Variants in TENM4 observed in about 807,000 individuals in gnomAD.
TENM4 encodes teneurin-4.
A neutral mutation model predicts 243.3 loss-of-function variants in TENM4; 82 were observed. That is an observed-to-expected ratio of 0.34 (90% CI 0.28 to 0.40). The LOEUF is 0.40. Ranked by LOEUF, TENM4 falls within the 10% of genes least tolerant of loss-of-function variation. The pLI is 1.00. For missense variants in TENM4, 3,138 were observed against 3,673.3 expected, an observed-to-expected ratio of 0.85 and a Z score of 3.77; for synonymous variants, 1,412 against 1,456.3, an observed-to-expected ratio of 0.97 and a Z score of 0.69.
intron 4 of TENM4, among the ~76,000 whole-genome samples, chr11:79,115,775 C>A (rs1004588993): frequency 6.6e-6 from 1 of 152,234 alleles, no homozygotes; most frequent in Non-Finnish European, 1.5e-5. Context: ...GTGAAGAGGG[C>A]TGCCCAAGGG....
intron 3 of TENM4, among the ~76,000 whole-genome samples, chr11:79,188,460 C>T (rs181689504): frequency 2.0e-5 from 3 of 151,516 alleles, no homozygotes; most frequent in Admixed American, 2.0e-4. Flanking sequence ...TAGAGAGTTT[C>T]AGTGAAGTCC....
At chr11:79,247,764 G>C (rs530681702) in intron 2 of TENM4, among the ~76,000 whole-genome samples, 1 of 152,306 alleles carries the variant, frequency 6.6e-6, no homozygotes, top group African/African-American at 2.4e-5. Flanking sequence ...TTCTATACTA[G>C]ACTTACCTTC....
intron 4 of TENM4, among the ~76,000 whole-genome samples, chr11:79,073,279 G>A (rs949281125): frequency 2.0e-5 from 3 of 152,104 alleles, no homozygotes; most frequent in Non-Finnish European, 2.9e-5. Context: ...GGCTCACCTC[G>A]CTTCCATCTT....
chr11:79,225,140 G>A (rs1424336355), intron 2 of TENM4, among the ~76,000 whole-genome samples: 1 of 152,122 alleles, frequency 6.6e-6, no homozygotes, highest in African/African-American at 2.4e-5. Flanking sequence ...CACACTTTAA[G>A]CTTCCAGAAC....
At position 78,735,928 on chromosome 11, in the gene TENM4, CTCTT is replaced by C. The variant is rs543156841; in HGVS notation, c.2876+2519_2876+2522del. On this transcript the variant is annotated intron_variant, in intron 20 of 33. Coordinates refer to ENST00000278550, the MANE Select transcript of TENM4 (RefSeq NM_001098816.3). ...CCCCTTTTCTCCCTTTCTCTCTTTT[CTCTT>C]TCTTTCTTTCTCTCTCTCTTTTTTC... 1.4e-4 allele frequency among the ~76,000 whole-genome samples: 20 copies of C among 140,660 alleles called. No homozygotes were observed. In the East Asian group the frequency reaches 2.7e-3, roughly 19 times the overall value. 92.3% of individuals were successfully genotyped at this position (140,660 alleles called of 152,430 possible).
chr11:78,942,762 C>T (rs1180803888), intron 6 of TENM4, among the ~76,000 whole-genome samples: 1 of 151,250 alleles, frequency 6.6e-6, no homozygotes, highest in Non-Finnish European at 1.5e-5. Flanking sequence ...ACCTCATTTG[C>T]CTCCCTCTCC....
At chr11:79,200,739 A>G (rs1276350188) in intron 3 of TENM4, among the ~76,000 whole-genome samples, 1 of 152,224 alleles carries the variant, frequency 6.6e-6, no homozygotes, top group Non-Finnish European at 1.5e-5. Context: ...GCAGGAGAGG[A>G]GGACAAAGCT....
Position 78,670,484 on chromosome 11 carries a change from G to A in TENM4, c.5861C>T (p.Ser1954Phe). ...CGCCACGTTGGGCATCGTCACAGAA[G>A]AGAGGCGGTCATTCTTGTCGAACTC... ...IFEFDKNDRL[S>F]SVTMPNVARQ... Residue 1954 changes from serine to phenylalanine, a missense_variant, in exon 32 of 34, where the codon TCT (serine) becomes TTT (phenylalanine). Ser to Phe is a radical substitution (Grantham distance 155). Coordinates refer to ENST00000278550, the MANE Select transcript of TENM4 (RefSeq NM_001098816.3). 24 of 1,613,922 alleles carry A rather than the reference G, an allele frequency of 1.5e-5. No homozygotes were observed. Among genetic ancestry groups the A allele is most frequent in the Non-Finnish European group, 2.0e-5 (24 of 1,179,870 alleles).
intron 7 of TENM4, among the ~76,000 whole-genome samples, chr11:78,894,854 C>A (rs1479547769): frequency 2.6e-5 from 4 of 151,574 alleles, no homozygotes; most frequent in African/African-American, 4.8e-5. Context: ...ACTAGCCAGG[C>A]ATGGTGCCAC....
At chr11:79,086,913 C>T (rs2137043018) in intron 4 of TENM4, among the ~76,000 whole-genome samples, 1 of 149,194 alleles carries the variant, frequency 6.7e-6, no homozygotes, top group South Asian at 2.1e-4. Flanking sequence ...TACTTTAGAA[C>T]TTATACATTT....
At chr11:78,726,248 T>C (rs778472369) in intron 22 of TENM4, 26 bp from the exon 23 acceptor site, 2 of 1,610,662 alleles carry the variant, frequency 1.2e-6, no homozygotes, top group South Asian at 2.2e-5. Context: ...TGAGGCAAAA[T>C]GCATAAGTGA....
intron 23 of TENM4, among the ~76,000 whole-genome samples, chr11:78,723,237 C>T (rs987433806): frequency 5.3e-5 from 8 of 152,242 alleles, no homozygotes; most frequent in Non-Finnish European, 1.0e-4. Context: ...AGAGTCTGGG[C>T]GCTTAGCCAT....
intron 6 of TENM4, among the ~76,000 whole-genome samples, chr11:79,008,678 T>C (rs1858555895): frequency 2.0e-5 from 3 of 152,352 alleles, no homozygotes; most frequent in Admixed American, 6.5e-5. Flanking sequence ...AGCTGGTTTC[T>C]GATTTTTTTT....
chr11:79,425,698 G>T (rs999105188), intron 1 of TENM4, among the ~76,000 whole-genome samples: 2 of 152,184 alleles, frequency 1.3e-5, no homozygotes, highest in Non-Finnish European at 1.5e-5. Flanking sequence ...TCTATCTGAG[G>T]TGGCAGGACC....
chr11:78,972,590 G>A (rs1324791825), intron 6 of TENM4, among the ~76,000 whole-genome samples: 2 of 152,126 alleles, frequency 1.3e-5, no homozygotes, highest in Non-Finnish European at 2.9e-5. Context: ...TTCACACAGG[G>A]ATGGCCTGCC....
At chr11:78,847,976 T>C (rs937957833) in intron 12 of TENM4, among the ~76,000 whole-genome samples, 1 of 152,208 alleles carries the variant, frequency 6.6e-6, no homozygotes, top group African/African-American at 2.4e-5. Flanking sequence ...CAGTGTTCTT[T>C]GGAAAATCAT....
intron 6 of TENM4, among the ~76,000 whole-genome samples, chr11:79,007,662 A>C (rs1412653148): frequency 6.6e-6 from 1 of 152,138 alleles, no homozygotes; most frequent in Admixed American, 6.5e-5. Context: ...CCACCTGTCT[A>C]GGGGCAGACA....
chr11:79,045,450 C>T (rs888280970), intron 6 of TENM4, among the ~76,000 whole-genome samples: 1 of 152,092 alleles, frequency 6.6e-6, no homozygotes, highest in Non-Finnish European at 1.5e-5. Flanking sequence ...GTCCATGAGT[C>T]GATGACTAGA....
In TENM4 at chr11:79,175,941, T is replaced by C. The variant is rs761864650; in HGVS notation, c.-162-27135A>G. Among the ~76,000 whole-genome samples, 42 of 152,092 alleles carry C rather than the reference T, an allele frequency of 2.8e-4. 1 individual carries two copies. The highest frequency in any genetic ancestry group is 3.4e-3 in the Middle Eastern group (1 of 294). On this transcript the variant is annotated intron_variant, in intron 3 of 33. Coordinates refer to ENST00000278550, the MANE Select transcript of TENM4 (RefSeq NM_001098816.3). The stretch of plus-strand genomic sequence containing the variant: ...CTCTGCAAAAAATTAAAAAATTTGC[T>C]GGGTGGCACTAATGGTGGCACACAC...
Sources: gnomAD v4.1 joint callset for allele counts (sites outside exome capture counted in the v4.1 genomes callset) on GRCh38, gnomAD v4.1.1 for gene constraint, MANE v1.5 for transcripts, NCBI Gene and HGNC (gene_info 2026-07-23, HGNC 2026-07-21) for gene names.